Variants in BANK1 observed in about 807,000 individuals in gnomAD.
BANK1 encodes the protein B cell scaffold protein with ankyrin repeats 1.
Under a neutral mutation model 94.5 loss-of-function variants are expected in BANK1, and 95 were observed. That is an observed-to-expected ratio of 1.00 (90% CI 0.85 to 1.19). BANK1 has a LOEUF of 1.19. Ranked by LOEUF, BANK1 falls within the 50% of genes most tolerant of loss-of-function variation. The probability of loss-of-function intolerance (pLI) is 0.00; values close to 1 mark genes in which losing one functional copy is unlikely to be tolerated. For missense variants in BANK1, 987 were observed against 932.2 expected, an observed-to-expected ratio of 1.06 and a Z score of -0.77; for synonymous variants, 334 against 308.4, an observed-to-expected ratio of 1.08 and a Z score of -0.87.
rs77304856 is a variant in BANK1, at chr4:101,824,666, A to ATT, written c.71-5130_71-5129dup. Among the ~76,000 whole-genome samples the ATT allele has an allele frequency of 2.1e-3, 294 of 142,796 alleles. 2 individuals carry two copies. The highest frequency in any genetic ancestry group is 7.1e-3 in the African/African-American group (277 of 39,234). 93.7% of individuals were successfully genotyped at this position (142,796 alleles called of 152,430 possible). ...GCTGAATCCATTATGGCTGTAACTC[A>ATT]TTTTTTTTTTTTTGTAATTTTTGGC... On this transcript the variant is annotated intron_variant, in intron 1 of 16. Coordinates refer to ENST00000322953, the MANE Select transcript of BANK1 (RefSeq NM_017935.5).
At position 101,994,722 on chromosome 4, in the gene BANK1, C is replaced by T. The variant is rs139028511; in HGVS notation, c.1207-26792C>T. Among the ~76,000 whole-genome samples, 17 of 152,148 alleles carry T rather than the reference C, an allele frequency of 1.1e-4. No homozygotes were observed. In the East Asian group the frequency reaches 2.9e-3, roughly 26 times the overall value. ...GAAACCTGTATCTTTTGATTCCTAT[C>T]GTATCTTTCTCATTCATGGTAGTAC... On this transcript the variant is annotated intron_variant, in intron 7 of 16. Coordinates refer to ENST00000322953, the MANE Select transcript of BANK1 (RefSeq NM_017935.5).
chr4:102,021,607 GT>G lies in BANK1; in HGVS notation c.1285+17del. ...ATATATTCCTTGTAAGTTTTTCCAT[GT>G]TATATATATATATGACATATTCATA... is the stretch of plus-strand genomic sequence containing the variant. On this transcript the variant is annotated intron_variant, in intron 8 of 16. Coordinates refer to ENST00000322953, the MANE Select transcript of BANK1 (RefSeq NM_017935.5). 1 of 1,012,826 alleles carries G rather than the reference GT, an allele frequency of 9.9e-7. No individual in the cohort carries two copies. The highest frequency in any genetic ancestry group is 1.4e-6 in the Non-Finnish European group (1 of 707,532). The allele number at this position is 1,012,826 out of a possible 1,614,324, so 62.7% of individuals were successfully genotyped here.
chr4:101,803,071 A>G (rs1725409388), intron 1 of BANK1, among the ~76,000 whole-genome samples: 1 of 152,224 alleles, frequency 6.6e-6, no homozygotes, highest in Non-Finnish European at 1.5e-5. Flanking sequence ...CCTCTAAGAC[A>G]TTGTTTCACA....
At chr4:101,901,490 A>G (rs1722281159) in intron 6 of BANK1, among the ~76,000 whole-genome samples, 1 of 152,220 alleles carries the variant, frequency 6.6e-6, no homozygotes, top group African/African-American at 2.4e-5. Flanking sequence ...AAGCATCTCC[A>G]GAGTTTATAT....
intron 5 of BANK1, among the ~76,000 whole-genome samples, chr4:101,881,893 G>C (rs1216293511): frequency 1.2e-4 from 18 of 151,446 alleles, no homozygotes; most frequent in African/African-American, 4.4e-4. Flanking sequence ...TGGAGCTAGA[G>C]AGTAGAAGGA....
chr4:101,967,917 A>G (rs1422671169), intron 7 of BANK1, among the ~76,000 whole-genome samples: 2 of 152,092 alleles, frequency 1.3e-5, no homozygotes, highest in African/African-American at 2.4e-5. Flanking sequence ...ACTGTTTTCA[A>G]TCAACCAACT....
At chr4:102,033,539 C>A (rs1221954735) in intron 10 of BANK1, among the ~76,000 whole-genome samples, 1 of 152,122 alleles carries the variant, frequency 6.6e-6, no homozygotes, top group Non-Finnish European at 1.5e-5. Context: ...TTTGTACATG[C>A]AATGTTGCAA....
Position 102,007,112 on chromosome 4 carries a change from A to AATATATATATAATATAT in BANK1, c.1207-14394_1207-14393insATAATATATATATATAT, listed in dbSNP as rs1273362593. ...TATATAATATATTTATATATATATA[A>AATATATATATAATATAT]ATATATATTTTATATATATATAAAA... On this transcript the variant is annotated intron_variant, in intron 7 of 16. Coordinates refer to ENST00000322953, the MANE Select transcript of BANK1 (RefSeq NM_017935.5). Among the ~76,000 whole-genome samples, 37 of 50,690 alleles carry AATATATATATAATATAT rather than the reference A, an allele frequency of 7.3e-4. 1 individual carries two copies. Among genetic ancestry groups the AATATATATATAATATAT allele is most frequent in the African/African-American group, 2.2e-3 (33 of 14,798 alleles). The allele number at this position is 50,690 out of a possible 152,430, so 33.3% of individuals were successfully genotyped here.
At chr4:101,878,942 C>T (rs1193706997) in intron 5 of BANK1, among the ~76,000 whole-genome samples, 27 of 151,206 alleles carry the variant, frequency 1.8e-4, no homozygotes, top group Admixed American at 1.6e-3. Flanking sequence ...CTATGAGATA[C>T]AGCAAAAGCA....
At chr4:101,875,164 A>C (rs1199850066) in intron 5 of BANK1, among the ~76,000 whole-genome samples, 1 of 152,070 alleles carries the variant, frequency 6.6e-6, no homozygotes, top group Admixed American at 6.5e-5. Context: ...ATCTTGAGTC[A>C]ACAATGCCAA....
intron 7 of BANK1, among the ~76,000 whole-genome samples, chr4:101,940,680 T>C (rs1723712690): frequency 6.6e-6 from 1 of 151,800 alleles, no homozygotes; most frequent in Non-Finnish European, 1.5e-5. Flanking sequence ...ACTTGTCTAA[T>C]ATTTTTCTCA....
intron 13 of BANK1, among the ~76,000 whole-genome samples, chr4:102,064,732 A>T (rs1344507195): frequency 6.6e-6 from 1 of 152,250 alleles, no homozygotes; most frequent in Non-Finnish European, 1.5e-5. Flanking sequence ...GGAGGCAGAC[A>T]GTAGGTAGCC....
At chr4:102,043,489 G>A (rs1008009157) in intron 10 of BANK1, among the ~76,000 whole-genome samples, 1 of 152,002 alleles carries the variant, frequency 6.6e-6, no homozygotes, top group Non-Finnish European at 1.5e-5. Flanking sequence ...GGTAATTTCT[G>A]TGCAAATGGA....
intron 6 of BANK1, among the ~76,000 whole-genome samples, chr4:101,903,150 C>G (rs1722336488): frequency 1.3e-5 from 2 of 152,156 alleles, no homozygotes; most frequent in South Asian, 4.1e-4. Flanking sequence ...TTATTAGCCC[C>G]ATCTGTAAAA....
intron 1 of BANK1, among the ~76,000 whole-genome samples, chr4:101,819,036 C>T (rs1006944633): frequency 6.6e-6 from 1 of 151,970 alleles, no homozygotes; most frequent in Non-Finnish European, 1.5e-5. Flanking sequence ...AAAATACCCA[C>T]AGGATACCTC....
intron 7 of BANK1, among the ~76,000 whole-genome samples, chr4:101,941,888 T>G (rs1443195002): frequency 6.6e-6 from 1 of 151,900 alleles, no homozygotes; most frequent in African/African-American, 2.4e-5. Context: ...TTGTTGTTTT[T>G]ATTACTGACC....
chr4:101,812,124 A>G (rs532344783), intron 1 of BANK1, among the ~76,000 whole-genome samples: 2 of 152,112 alleles, frequency 1.3e-5, no homozygotes, highest in South Asian at 4.1e-4. Flanking sequence ...CTGGTCTGAA[A>G]ATTCCAGTGA....
chr4:101,891,571 T>C (rs1400242158), intron 5 of BANK1, among the ~76,000 whole-genome samples: 1 of 152,054 alleles, frequency 6.6e-6, no homozygotes, highest in East Asian at 1.9e-4. Context: ...TTGTGTGCTT[T>C]TTCATCCCCA....
chr4:101,903,999 A>AT (rs756173714), intron 6 of BANK1, among the ~76,000 whole-genome samples: 52 of 152,210 alleles, frequency 3.4e-4, no homozygotes, highest in Non-Finnish European at 6.9e-4. Flanking sequence ...CACTGTGAAA[A>AT]TTTTTTATGA....
Sources: gnomAD v4.1 joint callset for allele counts (sites outside exome capture counted in the v4.1 genomes callset) on GRCh38, gnomAD v4.1.1 for gene constraint, MANE v1.5 for transcripts, NCBI Gene and HGNC (gene_info 2026-07-23, HGNC 2026-07-21) for gene names.